Variants in KCNV2 observed in about 807,000 individuals in gnomAD.
KCNV2 encodes the protein potassium voltage-gated channel modifier subfamily V member 2.
Under a neutral mutation model 37.0 loss-of-function variants are expected in KCNV2, and 65 were observed. The ratio of observed to expected loss-of-function variants is 1.76; its 90% CI spans 1.44 to 2.16. The LOEUF (loss-of-function observed/expected upper bound fraction) is 2.16, where lower values mean the gene tolerates loss of function less well. KCNV2 is among the 30% of genes most tolerant of loss of function. The pLI, the probability that KCNV2 is intolerant of heterozygous loss-of-function variation, is 0.00. For synonymous variants in KCNV2, 518 were observed against 328.6 expected, an observed-to-expected ratio of 1.58 and a Z score of -6.23; for missense variants, 1,232 against 766.7, an observed-to-expected ratio of 1.61 and a Z score of -7.17.
intron 1 of KCNV2, among the ~76,000 whole-genome samples, chr9:2,720,886 T>C (rs1307170963): frequency 6.6e-6 from 1 of 152,238 alleles, no homozygotes; most frequent in Admixed American, 6.5e-5. Context: ...ATAATGTTAC[T>C]CAGGTTGTAT....
rs755091416 is a variant in KCNV2, at chr9:2,729,558, C to G, written c.1469C>G (p.Ser490Cys). Reference protein sequence around the residue: ...FGIILNGMPISILYNKFSDYY... With the variant: ...FGIILNGMPICILYNKFSDYY... ...ATCATTCTCAACGGGATGCCCATTT[C>G]CATCCTCTACAACAAGTTTTCTGAT... Residue 490 changes from serine (S) to cysteine (C), a missense_variant, in exon 2 of 2, where the codon TCC becomes TGC. Transcript: ENST00000382082. 5 of 1,614,048 alleles carry G rather than the reference C, an allele frequency of 3.1e-6. No individual in the cohort carries two copies. The highest frequency in any genetic ancestry group is 4.2e-6 in the Non-Finnish European group (5 of 1,180,000).
At chr9:2,719,135 A>C (rs1563796394) in intron 1 of KCNV2, 40 bp downstream of exon 1, 3 of 1,598,214 alleles carry the variant, frequency 1.9e-6, no homozygotes, top group Non-Finnish European at 2.5e-6. Flanking sequence ...CCTCTTCCCC[A>C]GCCCAGTGAG....
chr9:2,721,543 G>A (rs527583313), intron 1 of KCNV2, among the ~76,000 whole-genome samples: 136 of 152,204 alleles, frequency 8.9e-4, no homozygotes, highest in African/African-American at 3.1e-3. Flanking sequence ...AAAACATTAG[G>A]ACCAATTTGT....
At position 2,717,698 on chromosome 9, in the gene KCNV2, C is replaced by G. The variant is rs7029012; in HGVS notation, c.-42C>G. ...CAGTGAGCAGGTGAGGGACCCCTACCACAGCCAGGAGGAAAAAGCTAGGCG... is the reference window on the plus strand; with the variant it reads ...CAGTGAGCAGGTGAGGGACCCCTACGACAGCCAGGAGGAAAAAGCTAGGCG... On this transcript the variant is annotated 5_prime_UTR_variant, in exon 1 of 2. Coordinates refer to ENST00000382082, the MANE Select transcript of KCNV2 (RefSeq NM_133497.4). 0.57 allele frequency: 926,983 copies of G among 1,613,100 alleles called. 270,065 individuals carry two copies. The highest frequency in any genetic ancestry group is 0.82 in the East Asian group (36,715 of 44,844).
At chr9:2,719,936 C>A (rs1272088793) in intron 1 of KCNV2, among the ~76,000 whole-genome samples, 1 of 152,204 alleles carries the variant, frequency 6.6e-6, no homozygotes, top group Non-Finnish European at 1.5e-5. Context: ...GTGCTGTTTA[C>A]TCAAATATCT....
Position 2,717,854 on chromosome 9 carries a change from T to A in KCNV2, c.115T>A (p.Ser39Thr). ...SICSLGARSG[S>T]QASIHGWTEG... ...TTGCTCCCTGGGTGCCCGTTCCGGC[T>A]CCCAGGCCAGCATCCACGGCTGGAC... is the stretch of plus-strand genomic sequence containing the variant. The change falls in exon 1 of 2, where the codon TCC becomes ACC. Residue 39 changes from serine to threonine, a missense_variant. Physicochemically the swap from Ser to Thr is moderately conservative, Grantham distance 58. Transcript: ENST00000382082. The A allele has an allele frequency of 6.2e-7, 1 of 1,614,066 alleles. No individual in the cohort carries two copies. The highest frequency in any genetic ancestry group is 8.5e-7 in the Non-Finnish European group (1 of 1,180,002).
In KCNV2 at chr9:2,718,244, G is replaced by A. The variant is rs768242305; in HGVS notation, c.505G>A (p.Val169Met). 46 of 1,613,130 alleles carry A rather than the reference G, an allele frequency of 2.9e-5. No homozygotes were observed. Among genetic ancestry groups the A allele is most frequent in the Middle Eastern group, 1.6e-4 (1 of 6,080 alleles). Reference protein sequence around the residue: ...QLVYNFYLSGVLLVLDGLCPR... With the variant: ...QLVYNFYLSGMLLVLDGLCPR... ...GGTCTACAATTTCTACCTGTCCGGG[G>A]TGCTGCTGGTGCTCGACGGGCTGTG... The change falls in exon 1 of 2, where the codon GTG (valine) becomes ATG (methionine). Residue 169 changes from valine (V) to methionine (M), a missense_variant. Transcript: ENST00000382082.
At chr9:2,720,022 C>T (rs950177191) in intron 1 of KCNV2, among the ~76,000 whole-genome samples, 14 of 152,210 alleles carry the variant, frequency 9.2e-5, no homozygotes, top group Admixed American at 9.2e-4. Flanking sequence ...AATAAGTCGG[C>T]ATATATGAAG....
Position 2,718,755 on chromosome 9 carries a change from ACCTGGTGGC to A in KCNV2, c.1018_1026del (p.Leu340_Ala342del). 3 of 1,611,730 alleles carry A rather than the reference ACCTGGTGGC, an allele frequency of 1.9e-6. No homozygotes were observed. Among genetic ancestry groups the A allele is most frequent in the Non-Finnish European group, 2.5e-6 (3 of 1,179,870 alleles). ...GCGCGCAGCGCCCTCAACCTGGTGG[ACCTGGTGGC>A]CATCCTGCCGCTCTACCTTCAGCTG... On this transcript the variant is annotated inframe_deletion, in exon 1 of 2. Coordinates refer to ENST00000382082, the MANE Select transcript of KCNV2 (RefSeq NM_133497.4).
chr9:2,726,841 T>G (rs192463498), intron 1 of KCNV2, among the ~76,000 whole-genome samples: 2 of 152,202 alleles, frequency 1.3e-5, no homozygotes, highest in South Asian at 4.1e-4. Flanking sequence ...TAGATTCTCA[T>G]AGGAGTGGGA....
chr9:2,728,731 T>A (rs1445922630), intron 1 of KCNV2, among the ~76,000 whole-genome samples: 5 of 152,174 alleles, frequency 3.3e-5, no homozygotes, highest in African/African-American at 1.2e-4. Flanking sequence ...AAAAGTGTTA[T>A]AACTGTCTTC....
chr9:2,726,234 C>T (rs894288680), intron 1 of KCNV2, among the ~76,000 whole-genome samples: 1 of 152,138 alleles, frequency 6.6e-6, no homozygotes, highest in Non-Finnish European at 1.5e-5. Flanking sequence ...TGAGTTCCTC[C>T]TGGAGCCAAG....
chr9:2,729,711 C>G lies in KCNV2; in HGVS notation c.1622C>G (p.Pro541Arg), dbSNP rs543865855. 1 of 1,613,994 alleles carries G rather than the reference C, an allele frequency of 6.2e-7. No homozygotes were observed. Among genetic ancestry groups the G allele is most frequent in the East Asian group, 2.2e-5 (1 of 44,868 alleles). ...CLLGSNPQLT[P>R]RQEN The stretch of plus-strand genomic sequence containing the variant: ...CTTGGAAGCAACCCACAGCTCACCC[C>G]AAGACAAGAGAATTAGTATTTTATA... Residue 541 changes from proline to arginine, a missense_variant, in exon 2 of 2, where the codon CCA (proline) becomes CGA (arginine). Physicochemically the swap from Pro to Arg is moderately radical, Grantham distance 103. Transcript: ENST00000382082.
intron 1 of KCNV2, among the ~76,000 whole-genome samples, chr9:2,726,812 G>C (rs1490851110): frequency 1.3e-5 from 2 of 152,170 alleles, no homozygotes; most frequent in Non-Finnish European, 2.9e-5. Flanking sequence ...TCTGCCTCCT[G>C]TCAGATCAAC....
chr9:2,726,309 G>A (rs954200013), intron 1 of KCNV2, among the ~76,000 whole-genome samples: 3 of 152,126 alleles, frequency 2.0e-5, no homozygotes, highest in Non-Finnish European at 4.4e-5. Context: ...TAAATTAACT[G>A]TACATTTTCA....
chr9:2,719,607 A>T (rs955970581), intron 1 of KCNV2, among the ~76,000 whole-genome samples: 3 of 152,196 alleles, frequency 2.0e-5, no homozygotes, highest in African/African-American at 7.2e-5. Context: ...TTCCACTTAA[A>T]TCTGAGTGTG....
intron 1 of KCNV2, among the ~76,000 whole-genome samples, chr9:2,722,060 AAGTTATTTATAAATAAATTAGAAGTT>A (rs1563797624): frequency 7.3e-6 from 1 of 136,998 alleles, no homozygotes; most frequent in Non-Finnish European, 1.5e-5. Flanking sequence ...AATAAATTAG[AAGTTATTTATAAATAAATTAGAAGTT>A]ATTTATAAAT....
At chr9:2,721,117 T>C (rs1242771623) in intron 1 of KCNV2, among the ~76,000 whole-genome samples, 1 of 152,214 alleles carries the variant, frequency 6.6e-6, no homozygotes, top group African/African-American at 2.4e-5. Flanking sequence ...TCTGTATGAA[T>C]TTCCTTTTGA....
At chr9:2,720,863 A>C (rs542269295) in intron 1 of KCNV2, among the ~76,000 whole-genome samples, 1 of 152,348 alleles carries the variant, frequency 6.6e-6, no homozygotes, top group East Asian at 1.9e-4. Flanking sequence ...AATTAAAATA[A>C]AACACATAAA....
Sources: gnomAD v4.1 joint callset for allele counts (sites outside exome capture counted in the v4.1 genomes callset) on GRCh38, gnomAD v4.1.1 for gene constraint, MANE v1.5 for transcripts, NCBI Gene and HGNC (gene_info 2026-07-23, HGNC 2026-07-21) for gene names.